The following GRK1 variants were observed in gnomAD, a reference collection of about 807,000 sequenced individuals.
GRK1 encodes the protein G protein-coupled receptor kinase 1.
A neutral mutation model predicts 41.7 loss-of-function variants in GRK1; 28 were observed. The ratio of observed to expected loss-of-function variants is 0.67; its 90% confidence interval spans 0.50 to 0.92. The LOEUF is 0.92. GRK1 is among the 40% of genes least tolerant of loss of function. GRK1 has a pLI of 0.00. For synonymous variants in GRK1, 327 were observed against 286.7 expected (o/e 1.14, Z -1.42); for missense variants, 703 against 671.2 (o/e 1.05, Z -0.52).
rs1453262561 is a variant in GRK1 at position 113,732,823 on chromosome 13, C to G, written c.1195-61C>G. On this transcript the variant is annotated intron_variant, in intron 5 of 6. Coordinates refer to ENST00000335678, the MANE Select transcript of GRK1 (RefSeq NM_002929.3). ...TGGCTCTTGTGGGAGGAGCTGTGGT[C>G]TGGTCTGACCACCCAAGAGAGGCGG... 10 of 1,519,492 alleles carry G rather than the reference C, an allele frequency of 6.6e-6. No individual in the cohort carries two copies. The African/African-American group carries it at 1.4e-4, about 21-fold the overall frequency. 94.1% of individuals were successfully genotyped at this position (1,519,492 alleles called of 1,614,324 possible). A position where few individuals can be genotyped will look rare whatever the true frequency, so the allele number is the denominator to read the frequency against.
intron 6 of GRK1, among the ~76,000 whole-genome samples, chr13:113,733,912 G>A (rs1255227044): frequency 1.1e-5 from 1 of 90,318 alleles, no homozygotes; most frequent in East Asian, 3.7e-4. Flanking sequence ...TGTGCATACA[G>A]TGTGCGTGTG....
At chr13:113,651,218 T>C in the GRK1 span, among the ~76,000 whole-genome samples, 1 of 152,344 alleles carries the variant, frequency 6.6e-6, no homozygotes, top group East Asian at 1.9e-4. Flanking sequence ...TTAAAAAATG[T>C]TGACTTAAAA....
In GRK1 at chr13:113,668,078, G is replaced by T. The variant is rs1000323290; in HGVS notation, c.692G>T (p.Gly231Val). The T allele has an allele frequency of 6.2e-7, 1 of 1,605,026 alleles. No homozygotes were observed. Among genetic ancestry groups the T allele is most frequent in the South Asian group, 1.1e-5 (1 of 89,772 alleles). The change falls in exon 1 of 7, where the codon GGC (glycine) becomes GTC (valine). Residue 231 changes from glycine to valine, a missense_variant. Physicochemically the swap from Gly to Val is moderately radical, Grantham distance 109. Coordinates refer to ENST00000335678, the MANE Select transcript of GRK1 (RefSeq NM_002929.3). Reference protein sequence around the residue: ...LNKKRLKKRKGYQGAMVEKKI... With the variant: ...LNKKRLKKRKVYQGAMVEKKI... ...AAGAAGCGGCTGAAGAAGAGGAAGG[G>T]CTACCAGGTGAGCAGCGCGACCCGG...
At chr13:113,734,547 G>T (rs1422091598) in intron 6 of GRK1, 1 of 152,542 alleles carries the variant, frequency 6.6e-6, no homozygotes, top group African/African-American at 2.4e-5. Flanking sequence ...TCGGTGCACC[G>T]AGAGGAGAGT....
chr13:113,731,120 G>T lies in GRK1; in HGVS notation c.1070-99G>T, dbSNP rs1009032313. The T allele has an allele frequency of 4.8e-6, 7 of 1,457,056 alleles. No homozygotes were observed. The South Asian group carries it at 6.8e-5, about 14-fold the overall frequency. The allele number at this position is 1,457,056 out of a possible 1,614,324, so 90.3% of individuals were successfully genotyped here. A position where few individuals can be genotyped will look rare whatever the true frequency, so the allele number is the denominator to read the frequency against. On this transcript the variant is annotated intron_variant, in intron 4 of 6. Coordinates refer to ENST00000335678, the MANE Select transcript of GRK1 (RefSeq NM_002929.3). This position sits in a 1 kb window ranked among gnomAD's most constrained non-coding sequence, Gnocchi z 5.6. ...AAATGTGGAGAGTGCTGAGGCCCCGGGGGGGATGCATCCCCAGAGCATCAG... is the reference window on the plus strand; with the variant it reads ...AAATGTGGAGAGTGCTGAGGCCCCGTGGGGGATGCATCCCCAGAGCATCAG...
the GRK1 span, among the ~76,000 whole-genome samples, chr13:113,649,775 T>TA: frequency 1.3e-5 from 2 of 152,176 alleles, no homozygotes; most frequent in Admixed American, 6.5e-5. This position sits in a 1 kb window ranked among gnomAD's most constrained non-coding sequence, Gnocchi z 4.7. Context: ...TTCAAACTCT[T>TA]ACGATGATTA....
intron 4 of GRK1, among the ~76,000 whole-genome samples, chr13:113,724,110 C>T (rs2049875133): frequency 1.3e-5 from 2 of 152,178 alleles, no homozygotes; most frequent in South Asian, 4.1e-4. Context: ...AGGCTCGCAG[C>T]ACCTGTGGAG....
At chr13:113,664,051 C>G (rs1594568240), upstream of GRK1, among the ~76,000 whole-genome samples, 2 of 152,306 alleles carry the variant, frequency 1.3e-5, no homozygotes, top group East Asian at 3.9e-4. The surrounding 1 kb of genome is among the most constrained non-coding windows in gnomAD (Gnocchi z 5.4). Flanking sequence ...GCGAAACGGA[C>G]TGTGGCACTC....
At chr13:113,652,769 G>C in the GRK1 span, 4 of 1,363,534 alleles carry the variant, frequency 2.9e-6, no homozygotes, top group South Asian at 4.9e-5. Flanking sequence ...TGTCCCGCTT[G>C]GGCAAGCCCC....
the GRK1 span, chr13:113,658,119 GTCT>G: frequency 5.1e-5 from 82 of 1,612,786 alleles, no homozygotes; most frequent in East Asian, 8.7e-4. Flanking sequence ...CTGGCCACAC[GTCT>G]TCTTCTCCTG....
chr13:113,658,913 G>A, the GRK1 span, among the ~76,000 whole-genome samples: 5 of 152,314 alleles, frequency 3.3e-5, no homozygotes, highest in Non-Finnish European at 7.4e-5. Context: ...TGCAGATTCA[G>A]CCCAGCGAGT....
upstream of GRK1, among the ~76,000 whole-genome samples, chr13:113,664,305 A>G (rs1594568324): frequency 2.6e-5 from 4 of 152,194 alleles, no homozygotes; most frequent in South Asian, 8.3e-4. The surrounding 1 kb of genome is among the most constrained non-coding windows in gnomAD (Gnocchi z 5.4). Context: ...ATGGATGCCA[A>G]TATCCTCGCT....
intron 6 of GRK1, among the ~76,000 whole-genome samples, chr13:113,733,879 A>C (rs1252042661): frequency 3.8e-5 from 3 of 78,228 alleles, no homozygotes; most frequent in East Asian, 6.1e-4. Context: ...GCGTGTGTGC[A>C]TACGTGTGTG....
intron 2 of GRK1, 92 bp downstream of exon 2, chr13:113,669,906 T>C (rs2049845586): frequency 1.3e-6 from 2 of 1,509,100 alleles, no homozygotes; most frequent in African/African-American, 1.4e-5. Context: ...GGCAGAGCCA[T>C]GGTGGCCCCA....
chr13:113,728,340 T>C (rs547837430), intron 4 of GRK1, among the ~76,000 whole-genome samples: 51 of 102,184 alleles, frequency 5.0e-4, no homozygotes, highest in African/African-American at 1.9e-3. Flanking sequence ...GTACCCATGG[T>C]GATGAGGAGT....
chr13:113,732,167 C>A (rs562252654), intron 5 of GRK1, among the ~76,000 whole-genome samples: 1 of 152,310 alleles, frequency 6.6e-6, no homozygotes, highest in African/African-American at 2.4e-5. Context: ...AGAAGGCCAC[C>A]GTCTCAGAGT....
Position 113,669,791 on chromosome 13 carries a change from C to A in GRK1, c.804C>A (p.Thr268=). The change falls in exon 2 of 7, where the codon ACC becomes ACA. Residue 268 remains threonine, a synonymous_variant. Coordinates refer to ENST00000335678, the MANE Select transcript of GRK1 (RefSeq NM_002929.3). ...ETKADLCLVM[T]IMNGGDIRYH... is the part of the protein sequence containing the mutation. ...AAGCCGACCTCTGTCTGGTGATGAC[C>A]ATCATGAACGGAGGTGACATCAGGT... 6.2e-7 allele frequency: 1 copy of A among 1,613,940 alleles called. No homozygotes were observed. The highest frequency in any genetic ancestry group is 8.5e-7 in the Non-Finnish European group (1 of 1,179,852).
At chr13:113,724,516 C>CA (rs1409911649) in intron 4 of GRK1, among the ~76,000 whole-genome samples, 1 of 152,126 alleles carries the variant, frequency 6.6e-6, no homozygotes, top group Non-Finnish European at 1.5e-5. Context: ...ACGGGGGGGA[C>CA]ATCCTCGCTC....
chr13:113,653,440 G>A, the GRK1 span: 2 of 1,610,806 alleles, frequency 1.2e-6, no homozygotes, highest in Non-Finnish European at 1.7e-6. Context: ...TACCCCTGGA[G>A]AGAGAGACCT....
Sources: allele counts gnomAD v4.1 joint callset (sites outside exome capture counted in the v4.1 genomes callset), GRCh38; gene constraint gnomAD v4.1.1; non-coding constraint Gnocchi (gnomAD v3.1); transcripts MANE v1.5; gene names NCBI Gene and HGNC (gene_info 2026-07-23, HGNC 2026-07-21).